Variants in SHTN1 observed in about 807,000 individuals in gnomAD.
SHTN1 encodes the protein shootin 1.
A neutral mutation model predicts 83.1 loss-of-function variants in SHTN1; 42 were observed. The ratio of observed to expected loss-of-function variants is 0.51; its 90% confidence interval spans 0.39 to 0.65. The LOEUF is 0.65. SHTN1 is among the 30% of genes least tolerant of loss of function. The pLI, the probability that SHTN1 is intolerant of heterozygous loss-of-function variation, is 0.00. For missense variants in SHTN1, 622 were observed against 737.8 expected, an observed-to-expected ratio of 0.84 and a Z score of 1.82; for synonymous variants, 224 against 247.7, an observed-to-expected ratio of 0.90 and a Z score of 0.90.
chr10:117,104,851 T>C (rs1853650850), intron 1 of SHTN1, among the ~76,000 whole-genome samples: 1 of 151,826 alleles, frequency 6.6e-6, no homozygotes, highest in South Asian at 2.1e-4. Context: ...TTGTCATTAA[T>C]AGTCTCCAAA....
intron 1 of SHTN1, among the ~76,000 whole-genome samples, chr10:117,100,781 T>C (rs961496245): frequency 1.3e-5 from 2 of 152,194 alleles, no homozygotes; most frequent in African/African-American, 4.8e-5. Context: ...AGTCTAGGGA[T>C]TAAGAGTTGG....
rs531719202 is a variant in SHTN1, at chr10:116,969,749, T to C, written c.112-1037A>G. ...AAGTATCTCCTGTATTGATAGGCCC[T>C]GGAGGCATTAATGAATTTTTTTAAA... On this transcript the variant is annotated intron_variant, in intron 2 of 16. Transcript: ENST00000355371. Among the ~76,000 whole-genome samples, 3 of 152,312 alleles carry C rather than the reference T, an allele frequency of 2.0e-5. No individual in the cohort carries two copies. The East Asian group carries it at 5.8e-4, about 29-fold the overall frequency.
intron 14 of SHTN1, chr10:116,907,957 T>G (rs758316491): frequency 5.9e-6 from 3 of 511,126 alleles, no homozygotes; most frequent in South Asian, 2.9e-5. Flanking sequence ...TAAAAATGGT[T>G]GTTTTAGCCA....
intron 11 of SHTN1, among the ~76,000 whole-genome samples, chr10:116,927,296 C>G (rs1002137049): frequency 6.6e-6 from 1 of 152,036 alleles, no homozygotes; most frequent in Non-Finnish European, 1.5e-5. Flanking sequence ...TTGTATACTA[C>G]AAGAAGGGAA....
intron 1 of SHTN1, among the ~76,000 whole-genome samples, chr10:116,987,906 C>T (rs1317735492): frequency 2.0e-5 from 3 of 149,474 alleles, no homozygotes; most frequent in South Asian, 4.3e-4. Flanking sequence ...AGCGAGACTC[C>T]GTCTCAAAAA....
intron 9 of SHTN1, among the ~76,000 whole-genome samples, chr10:116,938,052 T>C (rs1396242897): frequency 6.6e-6 from 1 of 151,930 alleles, no homozygotes; most frequent in Non-Finnish European, 1.5e-5. Context: ...TTTTTCTAGT[T>C]AGCAATTCCT....
chr10:116,899,963 T>C (rs1006815007), intron 16 of SHTN1, among the ~76,000 whole-genome samples: 2 of 152,212 alleles, frequency 1.3e-5, no homozygotes, highest in Non-Finnish European at 2.9e-5. Context: ...GTAACTACAT[T>C]AAGTTAAAAT....
chr10:116,897,674 C>T (rs1029978150), intron 16 of SHTN1, among the ~76,000 whole-genome samples: 1 of 152,126 alleles, frequency 6.6e-6, no homozygotes, highest in African/African-American at 2.4e-5. Context: ...ACATGACAGT[C>T]CTACAGGGCA....
intron 1 of SHTN1, among the ~76,000 whole-genome samples, chr10:116,995,173 C>G (rs1164222382): frequency 6.6e-6 from 1 of 152,044 alleles, no homozygotes; most frequent in Non-Finnish European, 1.5e-5. Context: ...TATTCTGATG[C>G]TCTTTCTAAA....
intron 2 of SHTN1, among the ~76,000 whole-genome samples, chr10:117,043,841 CAATA>C (rs777269978): frequency 3.3e-5 from 5 of 151,632 alleles, no homozygotes; most frequent in Non-Finnish European, 4.4e-5. Context: ...GACCCTGTCT[CAATA>C]AATAAATAAA....
intron 2 of SHTN1, among the ~76,000 whole-genome samples, chr10:117,034,197 G>T: frequency 6.6e-6 from 1 of 152,130 alleles, no homozygotes; most frequent in East Asian, 1.9e-4. Flanking sequence ...AATTAGATTA[G>T]AGAAAGAAAC....
At chr10:116,978,599 T>C (rs983239135) in intron 2 of SHTN1, among the ~76,000 whole-genome samples, 3 of 151,134 alleles carry the variant, frequency 2.0e-5, no homozygotes, top group Admixed American at 1.3e-4. Context: ...AAGAAATATA[T>C]ATATATATAT....
intron 8 of SHTN1, among the ~76,000 whole-genome samples, chr10:116,944,383 G>T (rs1223070470): frequency 6.6e-6 from 1 of 152,082 alleles, no homozygotes; most frequent in Non-Finnish European, 1.5e-5. Flanking sequence ...TAAAAGTGAA[G>T]CCCTGAGAGG....
intron 1 of SHTN1, among the ~76,000 whole-genome samples, chr10:116,982,962 CAA>C (rs534195833): frequency 3.6e-5 from 5 of 138,044 alleles, no homozygotes; most frequent in Non-Finnish European, 3.2e-5. Flanking sequence ...GACTCTGTCT[CAA>C]AAAAAAAAAA....
chr10:116,953,658 C>T lies in SHTN1; in HGVS notation c.436+384G>A, dbSNP rs192429578. ...TTTTTTTTTTTTTGAGACAGAGTCT[C>T]GCTCTGTCGCTCAGGCTGGAGTGCA... On this transcript the variant is annotated intron_variant, in intron 5 of 16. Coordinates refer to ENST00000355371, the MANE Select transcript of SHTN1 (RefSeq NM_001127211.3). Among the ~76,000 whole-genome samples the T allele has an allele frequency of 8.4e-3, 1,087 of 128,820 alleles. 17 individuals are homozygous for T. The highest frequency in any genetic ancestry group is 0.027 in the African/African-American group (954 of 35,358). The allele number at this position is 128,820 out of a possible 152,430, so 84.5% of individuals were successfully genotyped here. A position where few individuals can be genotyped will look rare whatever the true frequency, so the allele number is the denominator to read the frequency against.
intron 1 of SHTN1, among the ~76,000 whole-genome samples, chr10:116,996,747 G>A (rs1471329122): frequency 6.6e-6 from 1 of 152,060 alleles, no homozygotes; most frequent in Non-Finnish European, 1.5e-5. Context: ...AAACATGACT[G>A]TTTACCTAAA....
intron 1 of SHTN1, among the ~76,000 whole-genome samples, chr10:117,004,610 C>A (rs999251715): frequency 6.6e-6 from 1 of 152,186 alleles, no homozygotes; most frequent in African/African-American, 2.4e-5. Flanking sequence ...GGCCACCCAG[C>A]GCCAACAAAT....
chr10:117,070,486 C>T (rs909240215), intron 1 of SHTN1, among the ~76,000 whole-genome samples: 2 of 151,934 alleles, frequency 1.3e-5, no homozygotes, highest in Non-Finnish European at 2.9e-5. Flanking sequence ...CAGAATTTAA[C>T]GAGTTGCAGT....
At chr10:117,082,244 C>T in intron 1 of SHTN1, among the ~76,000 whole-genome samples, 1 of 100,588 alleles carries the variant, frequency 9.9e-6, no homozygotes, top group Non-Finnish European at 2.1e-5. Flanking sequence ...TGTCTTTGTT[C>T]TCATTGGTTT....
Sources: gnomAD v4.1 joint callset for allele counts (sites outside exome capture counted in the v4.1 genomes callset) on GRCh38, gnomAD v4.1.1 for gene constraint, MANE v1.5 for transcripts, NCBI Gene and HGNC (gene_info 2026-07-23, HGNC 2026-07-21) for gene names.